The following NRXN1 variants were observed in gnomAD, a reference collection of about 807,000 sequenced individuals.
NRXN1 encodes the protein neurexin-1.
NRXN1 carries 39 observed loss-of-function variants against 150.9 expected under a neutral mutation model. That is an observed-to-expected ratio of 0.26 (90% CI 0.20 to 0.34). NRXN1 has a LOEUF of 0.34. NRXN1 is among the 10% of genes least tolerant of loss of function. The pLI is 1.00. For missense variants in NRXN1, 1,815 were observed against 1,949.9 expected (o/e 0.93, Z 1.30); for synonymous variants, 924 against 757.0 (o/e 1.22, Z -3.62).
intron 19 of NRXN1, among the ~76,000 whole-genome samples, chr2:50,062,193 T>C (rs1005619876): frequency 6.6e-6 from 1 of 152,148 alleles, no homozygotes; most frequent in Non-Finnish European, 1.5e-5. Context: ...TCTCCCAAAA[T>C]TGATCTATTG....
intron 17 of NRXN1, among the ~76,000 whole-genome samples, chr2:50,271,701 T>A (rs1006349739): frequency 1.3e-5 from 2 of 152,166 alleles, no homozygotes; most frequent in African/African-American, 4.8e-5. Context: ...ATAAATCTTG[T>A]ACTTATTTTA....
chr2:50,845,593 T>A (rs1370967154), intron 5 of NRXN1, among the ~76,000 whole-genome samples: 1 of 152,226 alleles, frequency 6.6e-6, no homozygotes, highest in Admixed American at 6.5e-5. Context: ...AAATTTAAAG[T>A]TCAGATTAGG....
intron 2 of NRXN1, among the ~76,000 whole-genome samples, chr2:51,015,450 G>A (rs904528691): frequency 1.3e-4 from 19 of 151,950 alleles, no homozygotes; most frequent in African/African-American, 4.3e-4. Flanking sequence ...GATGGATAAT[G>A]TCTTGGGTCG....
chr2:50,289,354 A>T (rs1374604277), intron 17 of NRXN1, among the ~76,000 whole-genome samples: 1 of 150,600 alleles, frequency 6.6e-6, no homozygotes, highest in Non-Finnish European at 1.5e-5. Context: ...GGTAGCTGTG[A>T]TTACCCCCAT....
intron 17 of NRXN1, among the ~76,000 whole-genome samples, chr2:50,437,238 A>G (rs1403536441): frequency 6.6e-6 from 1 of 152,212 alleles, no homozygotes; most frequent in East Asian, 1.9e-4. Context: ...GCTCAAATCA[A>G]TATTTAAGCA....
At chr2:50,277,105 T>C (rs2070587490) in intron 17 of NRXN1, among the ~76,000 whole-genome samples, 1 of 152,104 alleles carries the variant, frequency 6.6e-6, no homozygotes, top group Admixed American at 6.6e-5. Context: ...GTTTTTAAAA[T>C]ATTATAACTC....
At chr2:50,324,498 C>T (rs951566026) in intron 17 of NRXN1, among the ~76,000 whole-genome samples, 3 of 152,124 alleles carry the variant, frequency 2.0e-5, no homozygotes, top group Admixed American at 2.0e-4. Context: ...GTTCACTTTG[C>T]CATATACATG....
chr2:50,515,576 T>A (rs146261038), intron 12 of NRXN1, among the ~76,000 whole-genome samples: 8 of 150,474 alleles, frequency 5.3e-5, no homozygotes, highest in East Asian at 3.9e-4. Flanking sequence ...AAATTTAGAA[T>A]AGAAACATTC....
intron 18 of NRXN1, among the ~76,000 whole-genome samples, chr2:50,098,352 G>C (rs1207817153): frequency 1.3e-5 from 2 of 152,036 alleles, no homozygotes; most frequent in African/African-American, 4.8e-5. Flanking sequence ...GGGAGTGGTG[G>C]GGAAAAGCAC....
chr2:50,814,159 T>G (rs1668605483), intron 5 of NRXN1, among the ~76,000 whole-genome samples: 1 of 152,036 alleles, frequency 6.6e-6, no homozygotes, highest in South Asian at 2.1e-4. Context: ...CCCTCTCTGT[T>G]TGTTTTTGTT....
chr2:50,371,279 A>G (rs892904339), intron 17 of NRXN1, among the ~76,000 whole-genome samples: 4 of 152,002 alleles, frequency 2.6e-5, no homozygotes, highest in Non-Finnish European at 5.9e-5. Context: ...GTGGAAATTG[A>G]GACTTAAGAA....
chr2:50,180,097 C>G (rs573729568), intron 18 of NRXN1, among the ~76,000 whole-genome samples: 2 of 152,102 alleles, frequency 1.3e-5, no homozygotes, highest in Non-Finnish European at 2.9e-5. Context: ...TCAGACCTCA[C>G]TGTAGCCTTG....
chr2:50,991,639 C>A (rs936425537), intron 2 of NRXN1, among the ~76,000 whole-genome samples: 1 of 151,934 alleles, frequency 6.6e-6, no homozygotes, highest in African/African-American at 2.4e-5. Flanking sequence ...GTCAATGAGG[C>A]CTTTGCACTT....
chr2:50,636,344 C>T (rs966086350), intron 5 of NRXN1, among the ~76,000 whole-genome samples: 3 of 152,094 alleles, frequency 2.0e-5, no homozygotes, highest in African/African-American at 7.2e-5. Flanking sequence ...CAGCTCTGCC[C>T]TTTACCACCC....
chr2:50,786,736 C>T (rs185779210), intron 5 of NRXN1, among the ~76,000 whole-genome samples: 2 of 152,214 alleles, frequency 1.3e-5, no homozygotes, highest in Admixed American at 1.3e-4. Flanking sequence ...ATGCATTCCA[C>T]CTGTGCTTTT....
At chr2:50,451,216 A>C (rs1297617047) in intron 17 of NRXN1, among the ~76,000 whole-genome samples, 2 of 152,170 alleles carry the variant, frequency 1.3e-5, no homozygotes, top group Non-Finnish European at 2.9e-5. Flanking sequence ...CGATCTGCCC[A>C]GTTTGGCCTC....
chr2:49,926,326 C>T (rs1425704928), intron 22 of NRXN1: 3 of 398,318 alleles, frequency 7.5e-6, no homozygotes, highest in Non-Finnish European at 1.3e-5. Context: ...AATCCTTCCT[C>T]TCTCTTCTAG....
chr2:50,712,486 C>A (rs1275807537), intron 5 of NRXN1, among the ~76,000 whole-genome samples: 1 of 152,156 alleles, frequency 6.6e-6, no homozygotes, highest in Admixed American at 6.6e-5. Flanking sequence ...AATCAAAGAT[C>A]TTGGTTTAAT....
At chr2:50,290,336 G>T (rs1199293583) in intron 17 of NRXN1, among the ~76,000 whole-genome samples, 1 of 152,102 alleles carries the variant, frequency 6.6e-6, no homozygotes, top group African/African-American at 2.4e-5. Flanking sequence ...TTATTCAATT[G>T]GGTTTGCTTT....
Sources: gnomAD v4.1 joint callset for allele counts (sites outside exome capture counted in the v4.1 genomes callset) on GRCh38, gnomAD v4.1.1 for gene constraint, MANE v1.5 for transcripts, NCBI Gene and HGNC (gene_info 2026-07-23, HGNC 2026-07-21) for gene names.